The following SIPA1L2 variants were observed in gnomAD, a reference collection of about 807,000 sequenced individuals.
SIPA1L2 encodes signal-induced proliferation-associated 1-like protein 2.
Under a neutral mutation model 163.9 loss-of-function variants are expected in SIPA1L2, and 56 were observed. The observed-to-expected ratio is 0.34, with a 90% CI of 0.28 to 0.43. SIPA1L2 has a LOEUF of 0.43. Among genes scored for constraint, SIPA1L2 ranks in the 20% least tolerant of loss-of-function variants. The pLI is 1.00. For synonymous variants in SIPA1L2, 877 were observed against 865.7 expected (o/e 1.01, Z -0.23); for missense variants, 1,974 against 2,193.5 (o/e 0.90, Z 2.00).
rs113273160 is a variant in SIPA1L2, at chr1:232,562,169, C to T, written c.-270+12005G>A. 5.1e-3 allele frequency among the ~76,000 whole-genome samples: 781 copies of T among 152,306 alleles called. 10 individuals carry two copies. The highest frequency in any genetic ancestry group is 0.017 in the African/African-American group (716 of 41,552). On this transcript the variant is annotated intron_variant, in intron 2 of 22. Coordinates refer to ENST00000674635, the MANE Select transcript of SIPA1L2 (RefSeq NM_020808.5). ...AGGAAAACCAAAATGCTGCCCTTGG[C>T]AAGGCTGCCCAGGCTTGTCCTTACA...
At chr1:232,596,895 A>G (rs10910566) in intron 1 of SIPA1L2, among the ~76,000 whole-genome samples, 4,310 of 152,256 alleles carry the variant, frequency 0.028, 190 homozygotes, top group African/African-American at 0.097. Flanking sequence ...CCTCCTGCTC[A>G]AGGACCAGGC....
At chr1:232,440,514 G>T (rs4649371) in intron 14 of SIPA1L2, among the ~76,000 whole-genome samples, 44,352 of 152,092 alleles carry the variant, frequency 0.29, 7,032 homozygotes, top group East Asian at 0.56. Context: ...ATACGGTGAG[G>T]CTGACTCAAG....
chr1:232,437,794 AG>A (rs1471810689), intron 15 of SIPA1L2, among the ~76,000 whole-genome samples: 2 of 152,210 alleles, frequency 1.3e-5, no homozygotes, highest in African/African-American at 4.8e-5. Context: ...TTTCTTCTGC[AG>A]AAACTAGAAA....
chr1:232,492,077 C>G (rs1490627058), intron 4 of SIPA1L2, among the ~76,000 whole-genome samples: 1 of 152,076 alleles, frequency 6.6e-6, no homozygotes, highest in African/African-American at 2.4e-5. Context: ...AGGTCTATAA[C>G]TTAAAATATG....
chr1:232,529,990 A>T (rs1416360082), intron 2 of SIPA1L2, among the ~76,000 whole-genome samples: 1 of 152,232 alleles, frequency 6.6e-6, no homozygotes, highest in African/African-American at 2.4e-5. Flanking sequence ...CAGTATGAGC[A>T]GTCACTGGTG....
intron 19 of SIPA1L2, among the ~76,000 whole-genome samples, chr1:232,412,911 A>G (rs144127310): frequency 2.5e-3 from 375 of 152,328 alleles, no homozygotes; most frequent in African/African-American, 8.2e-3. Flanking sequence ...TATTTTATCA[A>G]TGTTAAAGCT....
chr1:232,424,322 C>CAAA lies in SIPA1L2; in HGVS notation c.4630+1264_4630+1266dup, dbSNP rs55961523. Reference sequence around the variant, plus strand: ...TCTATTTTTTTTTAAGTGAAGCTAACAAAAAAAAAAAAAAAAAAAAAAAAA... The same window carrying CAAA: ...TCTATTTTTTTTTAAGTGAAGCTAACAAAAAAAAAAAAAAAAAAAAAAAAAAAA... On this transcript the variant is annotated intron_variant, in intron 18 of 22. Coordinates refer to ENST00000674635, the MANE Select transcript of SIPA1L2 (RefSeq NM_020808.5). Among the ~76,000 whole-genome samples, 396 of 71,754 alleles carry CAAA rather than the reference C, an allele frequency of 5.5e-3. 35 individuals are homozygous for CAAA. Among genetic ancestry groups the CAAA allele is most frequent in the Non-Finnish European group, 7.5e-3 (284 of 38,068 alleles). The allele number at this position is 71,754 out of a possible 152,430, so 47.1% of individuals were successfully genotyped here. A position where few individuals can be genotyped will look rare whatever the true frequency, so the allele number is the denominator to read the frequency against.
intron 6 of SIPA1L2, among the ~76,000 whole-genome samples, chr1:232,482,709 T>G (rs1300918989): frequency 2.6e-5 from 4 of 152,118 alleles, no homozygotes; most frequent in African/African-American, 4.8e-5. Context: ...ACCACCCTCA[T>G]CCAGATGGAG....
chr1:232,627,121 A>G (rs1663120254), intron 1 of SIPA1L2, among the ~76,000 whole-genome samples: 1 of 152,242 alleles, frequency 6.6e-6, no homozygotes, highest in South Asian at 2.1e-4. Flanking sequence ...TGTGTCTTTA[A>G]AAGGATTTGT....
rs961831848 is a variant in SIPA1L2, at chr1:232,479,614, G to A, written c.2085+13C>T. On this transcript the variant is annotated intron_variant, in intron 7 of 22. Transcript: ENST00000674635. Reference sequence around the variant, plus strand: ...TACTCAGCGTAAAAAGCTCCAGGCTGGGGAGGACATACCTGTTGTCTGTTG... The same window carrying A: ...TACTCAGCGTAAAAAGCTCCAGGCTAGGGAGGACATACCTGTTGTCTGTTG... 5 of 1,607,166 alleles carry A rather than the reference G, an allele frequency of 3.1e-6. No homozygotes were observed. Among genetic ancestry groups the A allele is most frequent in the Admixed American group, 3.3e-5 (2 of 59,984 alleles).
In SIPA1L2 at chr1:232,544,051, G is replaced by A. The variant is rs898957748; in HGVS notation, c.-269-28443C>T. ...TAAAATTACGGTTAATATTTTCACAGCAAATGTTTTAAATATGGGCATAGG... is the reference window on the plus strand; with the variant it reads ...TAAAATTACGGTTAATATTTTCACAACAAATGTTTTAAATATGGGCATAGG... On this transcript the variant is annotated intron_variant, in intron 2 of 22. Coordinates refer to ENST00000674635, the MANE Select transcript of SIPA1L2 (RefSeq NM_020808.5). 1.1e-3 allele frequency among the ~76,000 whole-genome samples: 162 copies of A among 152,034 alleles called. 1 individual carries two copies. The highest frequency in any genetic ancestry group is 0.011 in the Admixed American group (162 of 15,262).
At chr1:232,526,679 C>G (rs1043225947) in intron 2 of SIPA1L2, among the ~76,000 whole-genome samples, 4 of 152,202 alleles carry the variant, frequency 2.6e-5, no homozygotes, top group Non-Finnish European at 5.9e-5. Context: ...ATACCGTAGG[C>G]CTGTGACACA....
intron 3 of SIPA1L2, among the ~76,000 whole-genome samples, chr1:232,512,178 T>A (rs540160034): frequency 8.5e-5 from 13 of 152,232 alleles, no homozygotes; most frequent in African/African-American, 3.1e-4. Flanking sequence ...TGAGATACCA[T>A]CTCACGCCAA....
intron 2 of SIPA1L2, among the ~76,000 whole-genome samples, chr1:232,555,991 A>G (rs768406350): frequency 4.6e-5 from 7 of 152,250 alleles, no homozygotes; most frequent in Non-Finnish European, 1.0e-4. Context: ...AAGACTGTCA[A>G]CAGTTCAAGG....
chr1:232,452,868 G>A (rs1663669000), intron 10 of SIPA1L2, among the ~76,000 whole-genome samples: 2 of 152,158 alleles, frequency 1.3e-5, no homozygotes, highest in African/African-American at 4.8e-5. Context: ...AGCAGAGGGT[G>A]CATCAAGATT....
intron 2 of SIPA1L2, among the ~76,000 whole-genome samples, chr1:232,552,776 G>A (rs775215458): frequency 2.0e-5 from 3 of 152,230 alleles, no homozygotes; most frequent in Non-Finnish European, 4.4e-5. Context: ...GCAGATTCCT[G>A]TATTTTAACA....
At chr1:232,509,826 T>C (rs1346419758) in intron 3 of SIPA1L2, among the ~76,000 whole-genome samples, 2 of 152,106 alleles carry the variant, frequency 1.3e-5, no homozygotes, top group Non-Finnish European at 2.9e-5. Flanking sequence ...GAGCTAAATA[T>C]AGGAGGAGGC....
chr1:232,465,329 C>T lies in SIPA1L2; in HGVS notation c.2331G>A (p.Arg777=). The change falls in exon 9 of 23, where the codon CGG becomes CGA. Residue 777 remains arginine, a synonymous_variant. Coordinates refer to ENST00000674635, the MANE Select transcript of SIPA1L2 (RefSeq NM_020808.5). This position sits in a 1 kb window ranked among gnomAD's most constrained non-coding sequence, Gnocchi z 4.1. ...TGATTACTTTGGCTAAAAGGAAGTCCCGGAACACGGCTGACTTTGGAAAAG... is the reference window on the plus strand; with the variant it reads ...TGATTACTTTGGCTAAAAGGAAGTCTCGGAACACGGCTGACTTTGGAAAAG... ...GVTFPKSAVF[R]DFLLAKVINA... The T allele has an allele frequency of 1.2e-6, 2 of 1,614,104 alleles. No individual in the cohort carries two copies. Among genetic ancestry groups the T allele is most frequent in the Non-Finnish European group, 1.7e-6 (2 of 1,180,030 alleles).
At position 232,493,406 on chromosome 1, in the gene SIPA1L2, TG is replaced by T. The variant is rs567182809; in HGVS notation, c.1617+120del. On this transcript the variant is annotated intron_variant, in intron 4 of 22. Coordinates refer to ENST00000674635, the MANE Select transcript of SIPA1L2 (RefSeq NM_020808.5). ...CAATGCCCTTTTTAATTATCTTAAA[TG>T]TTGCAATCATTAACATTAAAAAAAA... 3.2e-5 allele frequency: 40 copies of T among 1,268,158 alleles called. No individual in the cohort carries two copies. In the African/African-American group the frequency reaches 5.9e-4, roughly 19 times the overall value. The allele number at this position is 1,268,158 out of a possible 1,614,324, so 78.6% of individuals were successfully genotyped here.
Sources: allele counts gnomAD v4.1 joint callset (sites outside exome capture counted in the v4.1 genomes callset), GRCh38; gene constraint gnomAD v4.1.1; non-coding constraint Gnocchi (gnomAD v3.1); transcripts MANE v1.5; gene names NCBI Gene and HGNC (gene_info 2026-07-23, HGNC 2026-07-21).